The following TRAM1 variants were observed in gnomAD, a reference collection of about 807,000 sequenced individuals.
TRAM1 encodes translocating chain-associated membrane protein 1.
In TRAM1, 17 loss-of-function variants were observed where a neutral mutation model predicts 48.7. The observed-to-expected ratio is 0.35, with a 90% confidence interval of 0.24 to 0.52. TRAM1 has a LOEUF of 0.52. TRAM1 is among the 20% of genes least tolerant of loss of function. The probability of loss-of-function intolerance (pLI) is 0.94; values close to 1 mark genes in which losing one functional copy is unlikely to be tolerated. For missense variants in TRAM1, 351 were observed against 441.5 expected, an observed-to-expected ratio of 0.79 and a Z score of 1.84; for synonymous variants, 182 against 154.0, an observed-to-expected ratio of 1.18 and a Z score of -1.34.
At position 70,583,157 on chromosome 8, in the gene TRAM1, T is replaced by C; in HGVS notation, c.1051+7A>G. 6.2e-7 allele frequency: 1 copy of C among 1,612,018 alleles called. No individual in the cohort carries two copies. Among genetic ancestry groups the C allele is most frequent in the Non-Finnish European group, 8.5e-7 (1 of 1,179,454 alleles). On this transcript the variant is annotated splice_region_variant and intron_variant, in intron 10 of 10. Transcript: ENST00000262213. ...CATGAGTTTTTCATTGCTTACTGAA[T>C]ACAAACCTGTTCCTTTTTTAGAAGA... is the stretch of plus-strand genomic sequence containing the variant.
Position 70,598,066 on chromosome 8 carries a change from T to C in TRAM1, c.310-55A>G, listed in dbSNP as rs1817529994. 3.2e-6 allele frequency: 5 copies of C among 1,544,766 alleles called. No homozygotes were observed. In the South Asian group the frequency reaches 3.9e-5, roughly 12 times the overall value. On this transcript the variant is annotated intron_variant, in intron 3 of 10. Coordinates refer to ENST00000262213, the MANE Select transcript of TRAM1 (RefSeq NM_014294.6). ...AGAATAAATTATAAATTATATTTAA[T>C]ATATGACTAGCAGATTATGGAGAGC...
In TRAM1 at chr8:70,597,337, C is replaced by T. The variant is rs551951188; in HGVS notation, c.426+558G>A. Reference sequence around the variant, plus strand: ...TGAACATTACAACTCATGTAACCTACGCTTTTTGCTGATACAGAGGTATCT... The same window carrying T: ...TGAACATTACAACTCATGTAACCTATGCTTTTTGCTGATACAGAGGTATCT... On this transcript the variant is annotated intron_variant, in intron 4 of 10. Coordinates refer to ENST00000262213, the MANE Select transcript of TRAM1 (RefSeq NM_014294.6). Among the ~76,000 whole-genome samples, 10 of 152,206 alleles carry T rather than the reference C, an allele frequency of 6.6e-5. No homozygotes were observed. The South Asian group carries it at 1.0e-3, about 16-fold the overall frequency.
intron 2 of TRAM1, among the ~76,000 whole-genome samples, chr8:70,599,147 A>G (rs1056753662): frequency 2.0e-5 from 3 of 152,084 alleles, no homozygotes; most frequent in African/African-American, 4.8e-5. Flanking sequence ...AGTCCCACCT[A>G]CTTGGGAGGC....
chr8:70,573,971 T>G lies in TRAM1; in HGVS notation c.*961A>C. On this transcript the variant is annotated 3_prime_UTR_variant, in exon 11 of 11. Coordinates refer to ENST00000262213, the MANE Select transcript of TRAM1 (RefSeq NM_014294.6). Reference sequence around the variant, plus strand: ...TAAAGCACATTGTCTTTTGTAAGACTATTTATCCACCTGAATTTTCAATTT... The same window carrying G: ...TAAAGCACATTGTCTTTTGTAAGACGATTTATCCACCTGAATTTTCAATTT... 4.9e-6 allele frequency: 1 copy of G among 203,364 alleles called. No individual in the cohort carries two copies. Among genetic ancestry groups the G allele is most frequent in the South Asian group, 7.1e-5 (1 of 14,122 alleles). The allele number at this position is 203,364 out of a possible 1,614,324, so 12.6% of individuals were successfully genotyped here. A position where few individuals can be genotyped will look rare whatever the true frequency, so the allele number is the denominator to read the frequency against.
intron 2 of TRAM1, 84 bp from the exon 3 acceptor site, chr8:70,598,339 AAAG>A (rs1242667345): frequency 2.5e-5 from 33 of 1,345,194 alleles, no homozygotes; most frequent in Non-Finnish European, 3.1e-5. Flanking sequence ...TTATGGAAAC[AAAG>A]AAGAATAACC....
chr8:70,597,886 C>A lies in TRAM1; in HGVS notation c.426+9G>T. 1 of 1,572,200 alleles carries A rather than the reference C, an allele frequency of 6.4e-7. No homozygotes were observed. Among genetic ancestry groups the A allele is most frequent in the Non-Finnish European group, 8.7e-7 (1 of 1,154,280 alleles). On this transcript the variant is annotated intron_variant, in intron 4 of 10. Coordinates refer to ENST00000262213, the MANE Select transcript of TRAM1 (RefSeq NM_014294.6). ...GAAGGAGAACAACAACCTAAGAGGA[C>A]ATACTTACAGAGATGAGAATGAATG...
rs181778794 is a variant in TRAM1, at chr8:70,575,176, T to C, written c.1052-171A>G. On this transcript the variant is annotated intron_variant, in intron 10 of 10. Coordinates refer to ENST00000262213, the MANE Select transcript of TRAM1 (RefSeq NM_014294.6). Reference sequence around the variant, plus strand: ...AAACCTGGTAACATTTTTAACACAATGAACTGAAAGTAGCAAATTAAAAGA... The same window carrying C: ...AAACCTGGTAACATTTTTAACACAACGAACTGAAAGTAGCAAATTAAAAGA... Among the ~76,000 whole-genome samples, 4 of 152,194 alleles carry C rather than the reference T, an allele frequency of 2.6e-5. No homozygotes were observed. The East Asian group carries it at 7.7e-4, about 29-fold the overall frequency.
chr8:70,576,445 C>T (rs186266379), intron 10 of TRAM1, among the ~76,000 whole-genome samples: 43 of 152,230 alleles, frequency 2.8e-4, no homozygotes, highest in East Asian at 1.5e-3. Context: ...AACAGGATAA[C>T]GAAAGTCATA....
At chr8:70,607,345 T>G in intron 1 of TRAM1, 1 of 985,428 alleles carries the variant, frequency 1.0e-6, no homozygotes, top group Non-Finnish European at 1.2e-6. Context: ...GTTCAGAACC[T>G]CGATTTATCC....
rs1297314324 is a variant in TRAM1, at chr8:70,574,187, G to A, written c.*745C>T. 2 of 403,646 alleles carry A rather than the reference G, an allele frequency of 5.0e-6. No individual in the cohort carries two copies. The highest frequency in any genetic ancestry group is 9.5e-6 in the Non-Finnish European group (2 of 210,992). The allele number at this position is 403,646 out of a possible 1,614,324, so 25.0% of individuals were successfully genotyped here. On this transcript the variant is annotated 3_prime_UTR_variant, in exon 11 of 11. Transcript: ENST00000262213. ...ATAAACATATCAAAAAGGGCTATAT[G>A]TCAGATTTTCCTGTTCATAGTAAAT... is the stretch of plus-strand genomic sequence containing the variant.
intron 10 of TRAM1, among the ~76,000 whole-genome samples, chr8:70,576,304 A>G (rs1001465354): frequency 5.9e-5 from 9 of 152,152 alleles, no homozygotes; most frequent in African/African-American, 2.2e-4. Context: ...AATGATCCAG[A>G]AAAGAGACAA....
intron 10 of TRAM1, among the ~76,000 whole-genome samples, chr8:70,582,351 C>T (rs1348658545): frequency 1.4e-5 from 2 of 145,738 alleles, no homozygotes; most frequent in Non-Finnish European, 3.0e-5. Context: ...TAGGGCTTCA[C>T]AGGCATGATC....
intron 5 of TRAM1, among the ~76,000 whole-genome samples, chr8:70,595,874 C>G (rs1817475816): frequency 6.6e-6 from 1 of 151,826 alleles, no homozygotes; most frequent in Admixed American, 6.6e-5. Context: ...AATTCCTAAC[C>G]TCAAGAAGCT....
chr8:70,591,241 G>A (rs1432333584), intron 6 of TRAM1, among the ~76,000 whole-genome samples: 1 of 152,174 alleles, frequency 6.6e-6, no homozygotes, highest in Non-Finnish European at 1.5e-5. Context: ...CCAGTAGCCA[G>A]GACTACAGGT....
chr8:70,586,518 T>C (rs996358754), intron 8 of TRAM1, among the ~76,000 whole-genome samples: 5 of 152,158 alleles, frequency 3.3e-5, no homozygotes, highest in African/African-American at 9.7e-5. Context: ...TGTTTTCAGT[T>C]CAATTTCACC....
intron 6 of TRAM1, 120 bp from the exon 7 acceptor site, chr8:70,587,296 C>T (rs957259153): frequency 1.1e-6 from 1 of 915,824 alleles, no homozygotes; most frequent in Non-Finnish European, 1.7e-6. Flanking sequence ...CAAGAGAACC[C>T]CCAACCTTGG....
intron 10 of TRAM1, among the ~76,000 whole-genome samples, chr8:70,579,189 T>C (rs1817022939): frequency 6.6e-6 from 1 of 152,226 alleles, no homozygotes. Flanking sequence ...ATCTAGATGG[T>C]AGAGCCTACC....
chr8:70,600,474 A>C (rs113251389), intron 1 of TRAM1, among the ~76,000 whole-genome samples: 32 of 152,368 alleles, frequency 2.1e-4, no homozygotes, highest in African/African-American at 7.7e-4. Flanking sequence ...TGAGAAAAGC[A>C]GATCAAATAT....
intron 10 of TRAM1, among the ~76,000 whole-genome samples, chr8:70,580,877 G>A (rs1314833652): frequency 1.3e-5 from 2 of 152,026 alleles, no homozygotes; most frequent in East Asian, 1.9e-4. Flanking sequence ...TTAAGAAGAT[G>A]GTTCTATTTT....
Sources: allele counts gnomAD v4.1 joint callset (sites outside exome capture counted in the v4.1 genomes callset), GRCh38; gene constraint gnomAD v4.1.1; transcripts MANE v1.5; gene names NCBI Gene and HGNC (gene_info 2026-07-23, HGNC 2026-07-21).